The following LANCL3 variants were observed in gnomAD, a reference collection of about 807,000 sequenced individuals.
The protein encoded by LANCL3 is lanC-like protein 3.
Under a neutral mutation model 26.5 loss-of-function variants are expected in LANCL3, and 19 were observed. The observed-to-expected ratio is 0.72, with a 90% CI of 0.50 to 1.05. The LOEUF (loss-of-function observed/expected upper bound fraction) is 1.05, where lower values mean the gene tolerates loss of function less well. Ranked by LOEUF, LANCL3 falls within the 50% of genes least tolerant of loss-of-function variation. The pLI is 0.00. For synonymous variants in LANCL3, 160 were observed against 166.6 expected, an observed-to-expected ratio of 0.96 and a Z score of 0.30; for missense variants, 318 against 362.7, an observed-to-expected ratio of 0.88 and a Z score of 1.00.
chrX:37,599,603 C>T (rs182276902), intron 1 of LANCL3, among the ~76,000 whole-genome samples: 120 of 112,000 alleles, frequency 1.1e-3, no homozygotes, highest in African/African-American at 3.7e-3. Context: ...GTTTCAGCTT[C>T]CAGTGATCAC....
intron 2 of LANCL3, among the ~76,000 whole-genome samples, chrX:37,658,038 T>A (rs1027045421): frequency 7.1e-4 from 80 of 112,210 alleles, no homozygotes; most frequent in Non-Finnish European, 1.9e-4. Flanking sequence ...GGACTGGACT[T>A]TGACCTTTGT....
At chrX:37,574,087 C>T (rs1445644680) in intron 1 of LANCL3, among the ~76,000 whole-genome samples, 1 of 103,183 alleles carries the variant, frequency 9.7e-6, no homozygotes, top group African/African-American at 3.9e-5. Flanking sequence ...CCACCACCAC[C>T]ACCAACAAAA....
Position 37,667,373 on chromosome X carries a change from G to A in LANCL3, c.987G>A (p.Gln329=). ...TTCGGTGTGGGGAACTCACATGGCAGAAAGGCCTGCTAAAGAAGGGGCCTG... is the reference window on the plus strand; with the variant it reads ...TTCGGTGTGGGGAACTCACATGGCAAAAAGGCCTGCTAAAGAAGGGGCCTG... ...TCIRCGELTW[Q]KGLLKKGPGI... Residue 329 remains glutamine (Q), a synonymous_variant, in exon 4 of 5, where the codon CAG becomes CAA. Coordinates refer to ENST00000378619, the MANE Select transcript of LANCL3 (RefSeq NM_001170331.2). 2 of 1,199,026 alleles carry A rather than the reference G, an allele frequency of 1.7e-6. No homozygotes were observed. The highest frequency in any genetic ancestry group is 2.2e-6 in the Non-Finnish European group (2 of 890,512).
chrX:37,578,687 A>C (rs1171037605), intron 1 of LANCL3, among the ~76,000 whole-genome samples: 2 of 111,917 alleles, frequency 1.8e-5, no homozygotes, highest in Admixed American at 9.5e-5. Flanking sequence ...ATTTATTAAA[A>C]ATTTGTTTTA....
At position 37,651,450 on chromosome X, in the gene LANCL3, A is replaced by T. The variant is rs184498516; in HGVS notation, c.574-4238A>T. ...AGAGTTGGCAATTTTGTTATTCTTT[A>T]TAGTTAAGTTTATGTTTTTTAACTA... On this transcript the variant is annotated intron_variant, in intron 1 of 4. Transcript: ENST00000378619. Among the ~76,000 whole-genome samples the T allele has an allele frequency of 5.3e-3, 590 of 112,283 alleles. 5 individuals are homozygous for T. Among genetic ancestry groups the T allele is most frequent in the African/African-American group, 0.017 (534 of 30,861 alleles).
intron 1 of LANCL3, among the ~76,000 whole-genome samples, chrX:37,622,479 C>T (rs566573927): frequency 7.3e-5 from 8 of 109,625 alleles, no homozygotes; most frequent in African/African-American, 2.3e-4. Context: ...ATTTTTTTAA[C>T]TTTCCCAAGT....
intron 1 of LANCL3, among the ~76,000 whole-genome samples, chrX:37,612,950 C>T (rs1556421358): frequency 9.0e-6 from 1 of 111,591 alleles, no homozygotes; most frequent in Non-Finnish European, 1.9e-5. Flanking sequence ...ATGTCTCTCC[C>T]TTGCTGTCAA....
chrX:37,682,104 TA>T lies in LANCL3; in HGVS notation c.*6292del, dbSNP rs1926950451. 4 of 109,494 alleles carry T rather than the reference TA, an allele frequency of 3.7e-5. No homozygotes were observed. Among genetic ancestry groups the T allele is most frequent in the Non-Finnish European group, 7.6e-5 (4 of 52,551 alleles). The allele number at this position is 109,494 out of a possible 1,213,427, so 9.0% of individuals were successfully genotyped here. A position where few individuals can be genotyped will look rare whatever the true frequency, so the allele number is the denominator to read the frequency against. On this transcript the variant is annotated 3_prime_UTR_variant, in exon 5 of 5. Transcript: ENST00000378619. ...TGTTTTATTTTTATTTTTATTTTTT[TA>T]TTTTTTTTTTTTTTTGAGACGGAGT...
intron 4 of LANCL3, among the ~76,000 whole-genome samples, chrX:37,669,151 A>G (rs1556435122): frequency 9.0e-6 from 1 of 111,727 alleles, no homozygotes; most frequent in African/African-American, 3.3e-5. Context: ...AGCTCCTACT[A>G]CTATATATGT....
At position 37,572,058 on chromosome X, in the gene LANCL3, G is replaced by A. The variant is rs1467442300; in HGVS notation, c.188G>A (p.Gly63Glu). The change falls in exon 1 of 5, where the codon GGG becomes GAG. Residue 63 changes from glycine to glutamate, a missense_variant. By Grantham distance (98) the Gly-to-Glu change is moderately conservative. Transcript: ENST00000378619. The stretch of plus-strand genomic sequence containing the variant: ...ACGGCGGGGGCTAGCGCCTGCCAGG[G>A]GGGGCTTTATGGCGGCGTGGCCGGA... The part of the protein sequence containing the change: ...GATAGASACQ[G>E]GLYGGVAGVA... 1 of 1,182,913 alleles carries A rather than the reference G, an allele frequency of 8.5e-7. No homozygotes were observed. Among genetic ancestry groups the A allele is most frequent in the Admixed American group, 2.3e-5 (1 of 43,448 alleles).
intron 1 of LANCL3, 110 bp from the exon 2 acceptor site, chrX:37,655,578 T>C (rs1241194056): frequency 2.0e-5 from 11 of 553,187 alleles, no homozygotes; most frequent in Non-Finnish European, 2.7e-5. Flanking sequence ...TATTTACATA[T>C]AGTACAGGAT....
At chrX:37,664,654 T>C (rs1260466702) in intron 3 of LANCL3, among the ~76,000 whole-genome samples, 1 of 111,584 alleles carries the variant, frequency 9.0e-6, no homozygotes, top group East Asian at 2.8e-4. Flanking sequence ...GTACAAAGGA[T>C]TTTGTCATGC....
intron 1 of LANCL3, among the ~76,000 whole-genome samples, chrX:37,573,803 C>G (rs1433602478): frequency 9.1e-6 from 1 of 109,679 alleles, no homozygotes; most frequent in Non-Finnish European, 1.9e-5. Context: ...CCTTTCCATG[C>G]CTTGAGGCCT....
At chrX:37,625,424 T>C (rs191986938) in intron 1 of LANCL3, among the ~76,000 whole-genome samples, 45 of 111,079 alleles carry the variant, frequency 4.1e-4, no homozygotes, top group African/African-American at 1.4e-3. Context: ...CATACCACCA[T>C]ATTGAGCTCA....
chrX:37,638,078 G>T (rs1445376521), intron 1 of LANCL3, among the ~76,000 whole-genome samples: 3 of 111,516 alleles, frequency 2.7e-5, no homozygotes, highest in Non-Finnish European at 5.7e-5. Context: ...GAAAGAGAGA[G>T]ATAATATGAT....
chrX:37,656,247 C>CAAA (rs781921541), intron 2 of LANCL3, among the ~76,000 whole-genome samples: 1,288 of 85,212 alleles, frequency 0.015, 25 homozygotes, highest in African/African-American at 0.051. Flanking sequence ...CTGGGCCATG[C>CAAA]AAAAAAAAAA....
intron 1 of LANCL3, among the ~76,000 whole-genome samples, chrX:37,611,605 A>G (rs149265567): frequency 0.012 from 1,379 of 111,994 alleles, 9 homozygotes; most frequent in Non-Finnish European, 0.019. Context: ...GGACTGATAT[A>G]GACCAGTGTT....
At chrX:37,667,527 T>A (rs782215402) in intron 4 of LANCL3, 38 bp downstream of exon 4, 1 of 932,972 alleles carries the variant, frequency 1.1e-6, no homozygotes, top group Admixed American at 4.1e-5. Context: ...TTTTTCAAAA[T>A]TTTAATCTAA....
At chrX:37,573,308 A>T (rs1411786464) in intron 1 of LANCL3, among the ~76,000 whole-genome samples, 1 of 112,429 alleles carries the variant, frequency 8.9e-6, no homozygotes, top group African/African-American at 3.2e-5. Context: ...GAACGGAGAG[A>T]GAGGCACTTT....
Sources: allele counts gnomAD v4.1 joint callset (sites outside exome capture counted in the v4.1 genomes callset), GRCh38; gene constraint gnomAD v4.1.1; transcripts MANE v1.5; gene names NCBI Gene and HGNC (gene_info 2026-07-23, HGNC 2026-07-21).